UGT1A10: variants seen among roughly 807,000 people sequenced by gnomAD.
UGT1A10 encodes the protein UDP glucuronosyltransferase family 1 member A10.
Under a neutral mutation model 45.8 loss-of-function variants are expected in UGT1A10, and 49 were observed. The observed-to-expected ratio is 1.07, with a 90% confidence interval of 0.85 to 1.36. The LOEUF is 1.36. UGT1A10 is among the 40% of genes most tolerant of loss of function. UGT1A10 has a pLI of 0.00. For missense variants in UGT1A10, 745 were observed against 668.6 expected (o/e 1.11, Z -1.26); for synonymous variants, 284 against 249.7 (o/e 1.14, Z -1.29).
intron 1 of UGT1A10, among the ~76,000 whole-genome samples, chr2:233,720,622 C>T (rs1468465541): frequency 1.3e-5 from 2 of 151,716 alleles, no homozygotes; most frequent in African/African-American, 4.8e-5. Context: ...ATTTGGGTTT[C>T]ATTGAAATAG....
intron 1 of UGT1A10, among the ~76,000 whole-genome samples, chr2:233,676,909 C>T (rs1057328249): frequency 3.3e-5 from 5 of 152,066 alleles, no homozygotes; most frequent in Non-Finnish European, 2.9e-5. Context: ...TATTTCTAGA[C>T]TTTGTATTCT....
chr2:233,734,725 G>A (rs549781531), intron 1 of UGT1A10, among the ~76,000 whole-genome samples: 6 of 150,570 alleles, frequency 4.0e-5, no homozygotes, highest in East Asian at 2.0e-4. Flanking sequence ...CTTTGTTCTC[G>A]TCGGTTTCAA....
At chr2:233,722,845 C>CTT (rs61550889) in intron 1 of UGT1A10, among the ~76,000 whole-genome samples, 2,212 of 135,308 alleles carry the variant, frequency 0.016, 155 homozygotes, top group African/African-American at 0.055. Context: ...AAGAATGTTT[C>CTT]TTTTTTTTTT....
intron 1 of UGT1A10, among the ~76,000 whole-genome samples, chr2:233,720,256 G>C (rs1200370479): frequency 6.6e-6 from 1 of 152,186 alleles, no homozygotes; most frequent in East Asian, 1.9e-4. Flanking sequence ...AGTTTCCAGA[G>C]AGGGATCTGT....
chr2:233,728,952 CA>C (rs1350442582), intron 1 of UGT1A10, among the ~76,000 whole-genome samples: 1 of 152,152 alleles, frequency 6.6e-6, no homozygotes, highest in African/African-American at 2.4e-5. Flanking sequence ...GTGGGGCCCA[CA>C]GTGAAAAACA....
chr2:233,658,205 C>A (rs888606290), intron 1 of UGT1A10, among the ~76,000 whole-genome samples: 5 of 151,764 alleles, frequency 3.3e-5, no homozygotes, highest in Admixed American at 3.3e-4. Context: ...TTTTAGTAGA[C>A]ACAGGGTTTC....
At position 233,639,175 on chromosome 2, in the gene UGT1A10, G is replaced by C. The variant is rs570711105; in HGVS notation, c.855+1798G>C. Among the ~76,000 whole-genome samples the C allele has an allele frequency of 6.2e-4, 94 of 152,036 alleles. 1 individual carries two copies. The highest frequency in any genetic ancestry group is 2.0e-3 in the African/African-American group (83 of 41,438). On this transcript the variant is annotated intron_variant, in intron 1 of 4. Transcript: ENST00000344644. ...AAAATGAAACATTAAACTATATATG[G>C]TTTCATTTATTTTGATTGTAAATAT...
chr2:233,755,298 C>T (rs1354075673), intron 1 of UGT1A10: 3 of 620,036 alleles, frequency 4.8e-6, no homozygotes, highest in Non-Finnish European at 7.5e-6. Context: ...CTGCGGGGCA[C>T]TGGCACAGCG....
At chr2:233,688,288 G>C (rs562176649) in intron 1 of UGT1A10, among the ~76,000 whole-genome samples, 1 of 152,086 alleles carries the variant, frequency 6.6e-6, no homozygotes, top group African/African-American at 2.4e-5. Context: ...TGGATTTACC[G>C]CATTTTTTTT....
At chr2:233,672,110 T>G (rs769146316) in intron 1 of UGT1A10, 165 of 1,614,060 alleles carry the variant, frequency 1.0e-4, no homozygotes, top group Non-Finnish European at 1.3e-4. Flanking sequence ...GTTGTAGTCA[T>G]GCCAGAGGTG....
At chr2:233,654,550 ATTGT>A (rs1459959908) in intron 1 of UGT1A10, among the ~76,000 whole-genome samples, 3 of 152,256 alleles carry the variant, frequency 2.0e-5, no homozygotes, top group African/African-American at 7.2e-5. Flanking sequence ...TATATTCATA[ATTGT>A]TTGTAATATA....
At chr2:233,713,423 T>C in intron 1 of UGT1A10, 1 of 1,614,200 alleles carries the variant, frequency 6.2e-7, no homozygotes. Flanking sequence ...TGCATGCTAC[T>C]TCCTTTGATG....
intron 1 of UGT1A10, among the ~76,000 whole-genome samples, chr2:233,645,583 A>G (rs1205618317): frequency 6.6e-6 from 1 of 152,242 alleles, no homozygotes; most frequent in Non-Finnish European, 1.5e-5. Flanking sequence ...AAATTGGCCA[A>G]TAAGGGGGCT....
intron 1 of UGT1A10, among the ~76,000 whole-genome samples, 153 bp downstream of exon 1, chr2:233,637,530 T>C (rs1187570593): frequency 1.3e-5 from 2 of 152,236 alleles, no homozygotes; most frequent in African/African-American, 4.8e-5. Flanking sequence ...CATGTACTCA[T>C]CAATTATCAA....
At chr2:233,737,057 G>A (rs1365217094) in intron 1 of UGT1A10, among the ~76,000 whole-genome samples, 2 of 152,190 alleles carry the variant, frequency 1.3e-5, no homozygotes, top group African/African-American at 2.4e-5. Context: ...CTAGGAGAAC[G>A]AGTGCTCTCT....
chr2:233,759,378 C>T (rs906522518), intron 1 of UGT1A10, among the ~76,000 whole-genome samples: 2 of 152,128 alleles, frequency 1.3e-5, no homozygotes, highest in African/African-American at 2.4e-5. Flanking sequence ...TACAGGTTTT[C>T]AGGATACTCA....
intron 1 of UGT1A10, among the ~76,000 whole-genome samples, chr2:233,723,515 T>A (rs1475684057): frequency 9.4e-6 from 1 of 106,756 alleles, no homozygotes; most frequent in Admixed American, 9.1e-5. Flanking sequence ...TGGTCAACAA[T>A]CTTTTTTTTT....
chr2:233,681,435 G>A (rs559305182), intron 1 of UGT1A10, among the ~76,000 whole-genome samples: 1 of 150,306 alleles, frequency 6.7e-6, no homozygotes, highest in East Asian at 2.0e-4. Flanking sequence ...TGAGGCTGAG[G>A]CAGGAGAATC....
intron 1 of UGT1A10, chr2:233,743,410 C>A: frequency 2.3e-6 from 3 of 1,318,156 alleles, no homozygotes; most frequent in African/African-American, 1.5e-5. Flanking sequence ...AAGGCCCCCA[C>A]TTCCCAGGGA....
Sources: gnomAD v4.1 joint callset for allele counts (sites outside exome capture counted in the v4.1 genomes callset) on GRCh38, gnomAD v4.1.1 for gene constraint, MANE v1.5 for transcripts, NCBI Gene and HGNC (gene_info 2026-07-23, HGNC 2026-07-21) for gene names.